The following SLC12A2 variants were observed in gnomAD, a reference collection of about 807,000 sequenced individuals.
SLC12A2 encodes the protein Na-K-2Cl cotransporter 1.
A neutral mutation model predicts 136.3 loss-of-function variants in SLC12A2; 67 were observed. That is an observed-to-expected ratio of 0.49 (90% confidence interval 0.40 to 0.60). The LOEUF (loss-of-function observed/expected upper bound fraction) is 0.60. SLC12A2 is among the 20% of genes least tolerant of loss of function. The pLI is 0.00. For synonymous variants in SLC12A2, 619 were observed against 562.9 expected (o/e 1.10, Z -1.41); for missense variants, 1,322 against 1,534.7 (o/e 0.86, Z 2.32).
chr5:128,110,373 C>G lies in SLC12A2; in HGVS notation c.757-2441C>G, dbSNP rs1761097824. 4 of 979,486 alleles carry G rather than the reference C, an allele frequency of 4.1e-6. No individual in the cohort carries two copies. In the South Asian group the frequency reaches 5.1e-5, roughly 13 times the overall value. The allele number at this position is 979,486 out of a possible 1,614,324, so 60.7% of individuals were successfully genotyped here. On this transcript the variant is annotated intron_variant, in intron 1 of 26. Transcript: ENST00000262461. ...GATGTCTGTGCAAGCTAACACGGGT[C>G]CTCCCTGGGAAAGCAAAAACTCCAC...
chr5:128,093,504 C>G (rs1194469202), intron 1 of SLC12A2, among the ~76,000 whole-genome samples: 1 of 152,052 alleles, frequency 6.6e-6, no homozygotes, highest in Non-Finnish European at 1.5e-5. Context: ...TCTTCCCATT[C>G]CCTCCAGAAA....
At chr5:128,164,072 A>T (rs6595806) in intron 17 of SLC12A2, among the ~76,000 whole-genome samples, 52,499 of 151,848 alleles carry the variant, frequency 0.35, 11,623 homozygotes, top group African/African-American at 0.63. Context: ...TGAATGAAAA[A>T]TTTTCCTTAG....
chr5:128,122,682 G>A (rs1036261657), intron 4 of SLC12A2, among the ~76,000 whole-genome samples: 1 of 151,988 alleles, frequency 6.6e-6, no homozygotes, highest in African/African-American at 2.4e-5. Flanking sequence ...CAAAAACATT[G>A]GAAATAAGGA....
intron 9 of SLC12A2, among the ~76,000 whole-genome samples, chr5:128,141,109 A>C (rs1356704410): frequency 2.0e-5 from 3 of 152,176 alleles, no homozygotes; most frequent in Non-Finnish European, 2.9e-5. Context: ...GCTTGTTTCA[A>C]GGTCACTTTT....
At chr5:128,115,993 T>G (rs1477488590) in intron 4 of SLC12A2, among the ~76,000 whole-genome samples, 2 of 152,204 alleles carry the variant, frequency 1.3e-5, no homozygotes, top group Non-Finnish European at 1.5e-5. Context: ...TGAGCTATAT[T>G]GGGATATACA....
In SLC12A2 at chr5:128,147,629, G is replaced by A. The variant is rs1762571408; in HGVS notation, c.1781G>A (p.Ser594Asn). ...YGLMNNFQVM[S>N]MVSGFTPLIS... is the part of the protein sequence containing the mutation. ...TTGTCACTTTTATTTAAGGTAATGA[G>A]TATGGTGTCAGGATTTACACCACTA... The change falls in exon 11 of 27, where the codon AGT becomes AAT. Residue 594 changes from serine to asparagine, a missense_variant. Ser to Asn is a conservative substitution (Grantham distance 46, BLOSUM62 1). Transcript: ENST00000262461. 2 of 1,596,452 alleles carry A rather than the reference G, an allele frequency of 1.3e-6. No individual in the cohort carries two copies. Among genetic ancestry groups the A allele is most frequent in the Non-Finnish European group, 1.7e-6 (2 of 1,165,386 alleles).
intron 15 of SLC12A2, among the ~76,000 whole-genome samples, chr5:128,156,436 T>A (rs1053607571): frequency 6.6e-5 from 10 of 152,228 alleles, no homozygotes; most frequent in African/African-American, 2.4e-4. Context: ...ACTCTGCTGC[T>A]GTTACTCAAA....
At chr5:128,147,362 G>A (rs1267401330) in intron 10 of SLC12A2, among the ~76,000 whole-genome samples, 3 of 151,622 alleles carry the variant, frequency 2.0e-5, no homozygotes, top group Non-Finnish European at 1.5e-5. Context: ...ATTAGGTGAT[G>A]GATGTTAGCA....
intron 26 of SLC12A2, among the ~76,000 whole-genome samples, chr5:128,185,413 T>G (rs1222256301): frequency 6.6e-6 from 1 of 152,126 alleles, no homozygotes; most frequent in Non-Finnish European, 1.5e-5. Flanking sequence ...ACCCACATTT[T>G]CTGAGTTCTG....
At chr5:128,134,336 T>C (rs906682805) in intron 6 of SLC12A2, 61 bp downstream of exon 6, 25 of 891,508 alleles carry the variant, frequency 2.8e-5, no homozygotes, top group East Asian at 2.2e-4. Context: ...GCTTATGTTT[T>C]GGGAACACTC....
rs1485973691 is a variant in SLC12A2 at position 128,141,904 on chromosome 5, G to A, written c.1696G>A (p.Ala566Thr). 3 of 1,613,948 alleles carry A rather than the reference G, an allele frequency of 1.9e-6. No homozygotes were observed. Among genetic ancestry groups the A allele is most frequent in the Admixed American group, 1.7e-5 (1 of 60,012 alleles). Residue 566 changes from alanine to threonine, a missense_variant, in exon 10 of 27, where the codon GCA (alanine) becomes ACA (threonine). Ala to Thr is a moderately conservative substitution (Grantham distance 58). Transcript: ENST00000262461. ...IVTELTNCTS[A>T]ACKLNFDFSS... The stretch of plus-strand genomic sequence containing the variant: ...AACAGAGCTAACAAACTGTACTTCT[G>A]CAGCCTGCAAATTAAACTTTGATTT...
intron 5 of SLC12A2, 37 bp from the exon 6 acceptor site, chr5:128,134,128 T>A (rs1472535604): frequency 9.5e-7 from 1 of 1,047,428 alleles, no homozygotes; most frequent in Admixed American, 1.7e-5. Context: ...TAAAAATAAC[T>A]AGTATTGCTT....
At chr5:128,096,042 T>C (rs554150335) in intron 1 of SLC12A2, among the ~76,000 whole-genome samples, 277 of 152,292 alleles carry the variant, frequency 1.8e-3, no homozygotes, top group African/African-American at 6.3e-3. Context: ...ATTAAACATC[T>C]GATAGGTTTC....
chr5:128,102,062 A>G (rs1395436259), intron 1 of SLC12A2, among the ~76,000 whole-genome samples: 2 of 152,100 alleles, frequency 1.3e-5, no homozygotes, highest in Non-Finnish European at 2.9e-5. Flanking sequence ...TTCAACATCC[A>G]GTTTTCAGCT....
chr5:128,137,781 A>ACT (rs1256844999), intron 7 of SLC12A2, among the ~76,000 whole-genome samples: 4 of 152,142 alleles, frequency 2.6e-5, no homozygotes, highest in African/African-American at 4.8e-5. Context: ...ATAGAAAGGA[A>ACT]CTTTACTTAG....
chr5:128,125,515 CT>C (rs1261689136), intron 4 of SLC12A2, among the ~76,000 whole-genome samples: 1 of 152,062 alleles, frequency 6.6e-6, no homozygotes, highest in African/African-American at 2.4e-5. Context: ...CTTTTTGTTA[CT>C]GATTTGTAGA....
At chr5:128,152,851 C>A in intron 15 of SLC12A2, 46 bp downstream of exon 15, 3 of 1,096,834 alleles carry the variant, frequency 2.7e-6, no homozygotes, top group Non-Finnish European at 4.2e-6. Flanking sequence ...TCTTTGCTGG[C>A]CAGTCAGTTC....
At chr5:128,148,080 G>C (rs1172014601) in intron 11 of SLC12A2, among the ~76,000 whole-genome samples, 1 of 151,526 alleles carries the variant, frequency 6.6e-6, no homozygotes, top group Non-Finnish European at 1.5e-5. Context: ...CTTTGTTCTA[G>C]TCAGTATGAT....
intron 16 of SLC12A2, 149 bp downstream of exon 16, chr5:128,158,313 A>G (rs745672479): frequency 1.3e-5 from 8 of 623,760 alleles, no homozygotes; most frequent in Non-Finnish European, 2.2e-5. Flanking sequence ...TAATAAGCAT[A>G]GTACCCAATA....
Sources: allele counts gnomAD v4.1 joint callset (sites outside exome capture counted in the v4.1 genomes callset), GRCh38; gene constraint gnomAD v4.1.1; transcripts MANE v1.5; gene names NCBI Gene and HGNC (gene_info 2026-07-23, HGNC 2026-07-21).